GIGYF2: variants seen among roughly 807,000 people sequenced by gnomAD.
GIGYF2 encodes the protein GRB10 interacting GYF protein 2.
Under a neutral mutation model 208.1 loss-of-function variants are expected in GIGYF2, and 25 were observed. The ratio of observed to expected loss-of-function variants is 0.12; its 90% CI spans 0.09 to 0.17. The LOEUF (loss-of-function observed/expected upper bound fraction) is 0.17, where lower values mean the gene tolerates loss of function less well. Ranked by LOEUF, GIGYF2 falls within the 10% of genes least tolerant of loss-of-function variation. GIGYF2 has a pLI of 1.00. For missense variants in GIGYF2, 1,302 were observed against 1,579.4 expected, an observed-to-expected ratio of 0.82 and a Z score of 2.98; for synonymous variants, 534 against 543.8, an observed-to-expected ratio of 0.98 and a Z score of 0.25.
At chr2:232,764,762 A>G (rs1321775545) in intron 8 of GIGYF2, among the ~76,000 whole-genome samples, 1 of 152,186 alleles carries the variant, frequency 6.6e-6, no homozygotes, top group East Asian at 1.9e-4. Flanking sequence ...GAAAGTAGTG[A>G]GTTGATAGAA....
Position 232,839,865 on chromosome 2 carries a change from C to T in GIGYF2, c.2783C>T (p.Thr928Met), listed in dbSNP as rs1340964767. ...TTTTGTTAGCTTCCTTCTTCTTCAA[C>T]GTGGGGCCAGCAGTCCAATACAACA... The part of the protein sequence containing the change: ...LAQMKLPSSS[T>M]WGQQSNTTAC... The change falls in exon 23 of 29, where the codon ACG (threonine) becomes ATG (methionine). Residue 928 changes from threonine (T) to methionine (M), a missense_variant. This residue lies in a region of GIGYF2 where 701 missense variants were observed against 793.0 expected (regional missense o/e 0.88). Coordinates refer to ENST00000373563, the MANE Select transcript of GIGYF2 (RefSeq NM_001103146.3). The T allele has an allele frequency of 4.3e-6, 7 of 1,613,910 alleles. No individual in the cohort carries two copies. Among genetic ancestry groups the T allele is most frequent in the Admixed American group, 1.7e-5 (1 of 59,992 alleles).
At chr2:232,816,775 G>C in intron 19 of GIGYF2, 96 bp from the exon 20 acceptor site, 1 of 901,218 alleles carries the variant, frequency 1.1e-6, no homozygotes, top group Non-Finnish European at 1.9e-6. Context: ...TACGGTACAA[G>C]CAGCTGATTG....
chr2:232,809,366 C>G (rs373058029), intron 15 of GIGYF2, among the ~76,000 whole-genome samples: 1 of 152,150 alleles, frequency 6.6e-6, no homozygotes, highest in Non-Finnish European at 1.5e-5. Context: ...TGTGTTATAT[C>G]CAGTTTCTCT....
chr2:232,814,603 T>G (rs1700854488), intron 18 of GIGYF2, among the ~76,000 whole-genome samples: 1 of 133,686 alleles, frequency 7.5e-6, no homozygotes, highest in Non-Finnish European at 1.6e-5. Context: ...TCAGGCTATG[T>G]CTATAAAGTG....
chr2:232,796,265 T>C (rs1700219746), intron 14 of GIGYF2, 44 bp downstream of exon 14: 1 of 1,216,822 alleles, frequency 8.2e-7, no homozygotes, highest in Admixed American at 1.7e-5. Flanking sequence ...TGTGTGCCAT[T>C]ACCTCCAGAA....
At chr2:232,720,468 G>T (rs1423948998) in intron 2 of GIGYF2, among the ~76,000 whole-genome samples, 1 of 151,894 alleles carries the variant, frequency 6.6e-6, no homozygotes, top group African/African-American at 2.4e-5. Context: ...TAATGGGATC[G>T]CTGGGTCAAA....
intron 2 of GIGYF2, among the ~76,000 whole-genome samples, chr2:232,728,908 C>T (rs1196318972): frequency 6.6e-6 from 1 of 151,580 alleles, no homozygotes; most frequent in African/African-American, 2.4e-5. Context: ...TCCTGAATTG[C>T]TTTATAAACT....
At chr2:232,724,207 ATTT>A (rs1163865821) in intron 2 of GIGYF2, among the ~76,000 whole-genome samples, 2,100 of 114,156 alleles carry the variant, frequency 0.018, 33 homozygotes, top group African/African-American at 0.071. Context: ...ACACCTGGCT[ATTT>A]TTTTTTTTTT....
At chr2:232,739,374 C>CG (rs1553607680) in intron 3 of GIGYF2, among the ~76,000 whole-genome samples, 2 of 109,924 alleles carry the variant, frequency 1.8e-5, no homozygotes, top group South Asian at 3.2e-4. Context: ...CCCCCCCCCC[C>CG]GCAAAAAAAA....
chr2:232,718,037 A>G (rs546740184), intron 2 of GIGYF2, among the ~76,000 whole-genome samples: 3 of 152,126 alleles, frequency 2.0e-5, no homozygotes, highest in African/African-American at 4.8e-5. Context: ...TCTAAACATG[A>G]TATCTGGGTG....
chr2:232,758,525 A>G (rs59402530), intron 6 of GIGYF2, among the ~76,000 whole-genome samples: 296 of 152,294 alleles, frequency 1.9e-3, no homozygotes, highest in African/African-American at 6.9e-3. Flanking sequence ...TGTTATATTT[A>G]CTTCCTTATT....
At chr2:232,830,587 TA>T (rs1378658636) in intron 21 of GIGYF2, among the ~76,000 whole-genome samples, 8 of 152,220 alleles carry the variant, frequency 5.3e-5, no homozygotes, top group Admixed American at 1.3e-4. Flanking sequence ...TTACAACTAA[TA>T]AACTGGTGCT....
chr2:232,721,009 A>T (rs1696919821), intron 2 of GIGYF2, among the ~76,000 whole-genome samples: 1 of 152,190 alleles, frequency 6.6e-6, no homozygotes, highest in African/African-American at 2.4e-5. Flanking sequence ...GGAGGGAGGG[A>T]AGAACCCGAT....
intron 22 of GIGYF2, among the ~76,000 whole-genome samples, chr2:232,836,248 GA>G (rs1206022286): frequency 2.6e-5 from 3 of 117,396 alleles, no homozygotes; most frequent in Non-Finnish European, 5.0e-5. Context: ...GCAACATGGT[GA>G]AACCCCATCT....
At chr2:232,724,207 A>ATTTTTT (rs1163865821) in intron 2 of GIGYF2, among the ~76,000 whole-genome samples, 16 of 114,228 alleles carry the variant, frequency 1.4e-4, no homozygotes, top group East Asian at 2.8e-4. Flanking sequence ...ACACCTGGCT[A>ATTTTTT]TTTTTTTTTT....
At chr2:232,735,359 C>T (rs939842621) in intron 3 of GIGYF2, 121 bp downstream of exon 3, 6 of 728,740 alleles carry the variant, frequency 8.2e-6, no homozygotes, top group South Asian at 3.1e-5. Context: ...TTATGTGCCT[C>T]GCTGAAAACA....
rs1267806755 is a variant in GIGYF2, at chr2:232,836,272, A to ACT, written c.2766+3179_2766+3180insCT. 3.8e-3 allele frequency among the ~76,000 whole-genome samples: 5 copies of ACT among 1,310 alleles called. No individual in the cohort carries two copies. In the Admixed American group the frequency reaches 0.074, roughly 19 times the overall value. The allele number at this position is 1,310 out of a possible 152,430, so 0.9% of individuals were successfully genotyped here. ...TGAAACCCCATCTCTACATATATAT[A>ACT]TATATATATATATATATATATATAT... On this transcript the variant is annotated intron_variant, in intron 22 of 28. Coordinates refer to ENST00000373563, the MANE Select transcript of GIGYF2 (RefSeq NM_001103146.3).
At chr2:232,834,807 G>C (rs934809924) in intron 22 of GIGYF2, among the ~76,000 whole-genome samples, 13 of 150,588 alleles carry the variant, frequency 8.6e-5, no homozygotes, top group African/African-American at 3.2e-4. Context: ...TGCCAGTTCA[G>C]ATACACTATA....
chr2:232,836,312 A>AGCC (rs1559160612), intron 22 of GIGYF2, among the ~76,000 whole-genome samples: 1 of 23,370 alleles, frequency 4.3e-5, no homozygotes, highest in East Asian at 7.8e-4. Context: ...ATATATATAT[A>AGCC]TATATATATA....
Sources: allele counts gnomAD v4.1 joint callset (sites outside exome capture counted in the v4.1 genomes callset), GRCh38; gene constraint gnomAD v4.1.1; regional missense constraint gnomAD v4.1.1; transcripts MANE v1.5; gene names NCBI Gene and HGNC (gene_info 2026-07-23, HGNC 2026-07-21).